Variants in SRPK2 observed in about 807,000 individuals in gnomAD.
SRPK2 encodes the protein SFRS protein kinase 2.
In SRPK2, 21 loss-of-function variants were observed where a neutral mutation model predicts 90.8. The ratio of observed to expected loss-of-function variants is 0.23; its 90% CI spans 0.16 to 0.33. SRPK2 has a LOEUF of 0.33. Ranked by LOEUF, SRPK2 falls within the 10% of genes least tolerant of loss-of-function variation. The pLI, the probability that SRPK2 is intolerant of heterozygous loss-of-function variation, is 1.00. For synonymous variants in SRPK2, 288 were observed against 311.1 expected (o/e 0.93, Z 0.78); for missense variants, 620 against 869.0 (o/e 0.71, Z 3.60).
chr7:105,395,413 C>T (rs1339269681), intron 1 of SRPK2, among the ~76,000 whole-genome samples: 1 of 151,572 alleles, frequency 6.6e-6, no homozygotes, highest in East Asian at 1.9e-4. Flanking sequence ...AAGGCCTCAC[C>T]GAGAAGGTAA....
chr7:105,265,631 T>A (rs536549297), intron 2 of SRPK2, among the ~76,000 whole-genome samples: 66 of 152,284 alleles, frequency 4.3e-4, no homozygotes, highest in African/African-American at 1.3e-3. Flanking sequence ...CTAGTTTTTT[T>A]AATCAGATAT....
chr7:105,143,222 C>G lies in SRPK2; in HGVS notation c.922G>C (p.Ala308Pro). 2 of 1,614,226 alleles carry G rather than the reference C, an allele frequency of 1.2e-6. No homozygotes were observed. Among genetic ancestry groups the G allele is most frequent in the African/African-American group, 1.3e-5 (1 of 75,060 alleles). Residue 308 changes from alanine (A) to proline (P), a missense_variant, in exon 10 of 16, where the codon GCT (alanine) becomes CCT (proline). Physicochemically the swap from Ala to Pro is conservative, Grantham distance 27. Around this residue, in one of 8 missense-constraint regions of SRPK2, gnomAD observed 196 missense variants for 339.2 expected, o/e 0.58. Transcript: ENST00000393651. Reference sequence around the variant, plus strand: ...TTTTCTTCTATTATTTTCCTTTCAGCTTCTCGCTCCAATTCTTCTATCTCC... The same window carrying G: ...TTTTCTTCTATTATTTTCCTTTCAGGTTCTCGCTCCAATTCTTCTATCTCC... ...LQEIEELERE[A>P]ERKIIEENIT...
intron 2 of SRPK2, among the ~76,000 whole-genome samples, chr7:105,232,312 AG>A (rs1203220099): frequency 6.6e-6 from 1 of 152,144 alleles, no homozygotes; most frequent in African/African-American, 2.4e-5. Context: ...ATACAAAATT[AG>A]CCAGGCATGG....
chr7:105,168,129 C>CT, intron 4 of SRPK2, 34 bp from the exon 5 acceptor site: 1 of 1,513,240 alleles, frequency 6.6e-7, no homozygotes, highest in Non-Finnish European at 9.0e-7. Flanking sequence ...GTCTATTTAT[C>CT]TATATTATCA....
intron 2 of SRPK2, among the ~76,000 whole-genome samples, chr7:105,223,603 C>T (rs931927422): frequency 7.2e-5 from 11 of 152,168 alleles, no homozygotes; most frequent in African/African-American, 1.4e-4. Flanking sequence ...TAGCACCTCC[C>T]GGGGTTCCTC....
chr7:105,289,230 C>A (rs1044405530), intron 2 of SRPK2, among the ~76,000 whole-genome samples: 1 of 150,996 alleles, frequency 6.6e-6, no homozygotes, highest in Non-Finnish European at 1.5e-5. Flanking sequence ...GCCGAGATGG[C>A]GCCACTGCAC....
At chr7:105,224,249 A>G (rs1412187715) in intron 2 of SRPK2, among the ~76,000 whole-genome samples, 1 of 152,180 alleles carries the variant, frequency 6.6e-6, no homozygotes, top group Non-Finnish European at 1.5e-5. Context: ...TTTTTTTCAT[A>G]AAGGTCATAC....
At chr7:105,395,511 C>T (rs6977994) in intron 1 of SRPK2, among the ~76,000 whole-genome samples, 62,060 of 151,750 alleles carry the variant, frequency 0.41, 15,140 homozygotes, top group Non-Finnish European at 0.55. Flanking sequence ...GGGCGAATCA[C>T]CTGAGGTCAG....
rs191307493 is a variant in SRPK2 at position 105,294,714 on chromosome 7, C to T, written c.72-90929G>A. 2.8e-3 allele frequency among the ~76,000 whole-genome samples: 422 copies of T among 152,030 alleles called. 11 individuals are homozygous for T. The East Asian group carries it at 0.055, about 20-fold the overall frequency. On this transcript the variant is annotated intron_variant, in intron 2 of 15. Coordinates refer to ENST00000393651, the MANE Select transcript of SRPK2 (RefSeq NM_182692.3). Reference sequence around the variant, plus strand: ...CTAATTTTTCTATTTTTAGTAGAGACAGGATTTCATCATGTTGGCCAGACT... The same window carrying T: ...CTAATTTTTCTATTTTTAGTAGAGATAGGATTTCATCATGTTGGCCAGACT...
intron 2 of SRPK2, among the ~76,000 whole-genome samples, chr7:105,352,233 C>A (rs1817279442): frequency 6.6e-6 from 1 of 152,208 alleles, no homozygotes; most frequent in Non-Finnish European, 1.5e-5. Context: ...AGAACCTGAA[C>A]TCTCCCTTGA....
chr7:105,235,273 A>C (rs920892266), intron 2 of SRPK2, among the ~76,000 whole-genome samples: 1 of 152,228 alleles, frequency 6.6e-6, no homozygotes, highest in African/African-American at 2.4e-5. Context: ...ATTCAAGTAC[A>C]TATGTATTTA....
intron 3 of SRPK2, among the ~76,000 whole-genome samples, chr7:105,181,894 A>C (rs1326274606): frequency 1.4e-5 from 2 of 146,416 alleles, no homozygotes; most frequent in Non-Finnish European, 3.0e-5. Context: ...AAAAAAAAAA[A>C]AACAGAAAAC....
chr7:105,154,281 TCAC>T (rs544512037), intron 7 of SRPK2, among the ~76,000 whole-genome samples: 244 of 152,310 alleles, frequency 1.6e-3, no homozygotes, highest in Non-Finnish European at 2.3e-3. Context: ...CAGAGCCACC[TCAC>T]CACATTTCCT....
At chr7:105,187,010 T>C (rs528294750) in intron 3 of SRPK2, among the ~76,000 whole-genome samples, 70 of 152,332 alleles carry the variant, frequency 4.6e-4, no homozygotes, top group Non-Finnish European at 8.2e-4. Context: ...GATGTCTCAG[T>C]TGAGGCCCCA....
intron 3 of SRPK2, among the ~76,000 whole-genome samples, chr7:105,182,418 T>C (rs1792988998): frequency 6.6e-6 from 1 of 150,960 alleles, no homozygotes. Flanking sequence ...GCCTTGAGAT[T>C]TGTGCAAAAC....
At chr7:105,398,396 T>A in intron 1 of SRPK2, among the ~76,000 whole-genome samples, 1 of 151,472 alleles carries the variant, frequency 6.6e-6, no homozygotes, top group Non-Finnish European at 1.5e-5. Flanking sequence ...TTTTTTTTTT[T>A]TTTTGAGACG....
chr7:105,141,105 G>A (rs1803688742), intron 11 of SRPK2, among the ~76,000 whole-genome samples: 2 of 152,184 alleles, frequency 1.3e-5, no homozygotes, highest in African/African-American at 4.8e-5. Context: ...CCCTGGAAAG[G>A]GGAACAGGAG....
At chr7:105,348,690 T>C (rs942200039) in intron 2 of SRPK2, among the ~76,000 whole-genome samples, 1 of 151,478 alleles carries the variant, frequency 6.6e-6, no homozygotes, top group African/African-American at 2.4e-5. Context: ...CCCAAAGTGC[T>C]GGAATTACAG....
intron 2 of SRPK2, among the ~76,000 whole-genome samples, chr7:105,326,724 C>T (rs1813632416): frequency 6.6e-6 from 1 of 152,186 alleles, no homozygotes. Context: ...AAGCATAATG[C>T]ATGCTCTGAC....
Sources: gnomAD v4.1 joint callset for allele counts (sites outside exome capture counted in the v4.1 genomes callset) on GRCh38, gnomAD v4.1.1 for gene constraint, gnomAD v4.1.1 regional missense constraint, MANE v1.5 for transcripts, NCBI Gene and HGNC (gene_info 2026-07-23, HGNC 2026-07-21) for gene names.